Variants in SYT1 observed in about 807,000 individuals in gnomAD.
SYT1 encodes the protein synaptotagmin-1.
Under a neutral mutation model 44.8 loss-of-function variants are expected in SYT1, and 8 were observed. The ratio of observed to expected loss-of-function variants is 0.18; its 90% CI spans 0.10 to 0.32. The LOEUF (loss-of-function observed/expected upper bound fraction) is 0.32, where lower values mean the gene tolerates loss of function less well. Among genes scored for constraint, SYT1 ranks in the 10% least tolerant of loss-of-function variants. The pLI is 1.00. For synonymous variants in SYT1, 154 were observed against 188.8 expected, an observed-to-expected ratio of 0.82 and a Z score of 1.51; for missense variants, 286 against 509.3, an observed-to-expected ratio of 0.56 and a Z score of 4.22.
intron 4 of SYT1, among the ~76,000 whole-genome samples, chr12:79,282,194 C>T (rs538643230): frequency 6.1e-4 from 93 of 152,256 alleles, no homozygotes; most frequent in South Asian, 1.9e-3. Context: ...CTTGCAAAGT[C>T]CCTCTTACCA....
At chr12:78,918,815 A>G (rs750405668) in intron 1 of SYT1, among the ~76,000 whole-genome samples, 3 of 152,130 alleles carry the variant, frequency 2.0e-5, no homozygotes, top group Non-Finnish European at 2.9e-5. Flanking sequence ...AAGAAATATC[A>G]TGCATTTATG....
rs765898075 is a variant in SYT1 at position 79,006,780 on chromosome 12, C to T, written c.-84+28849C>T. 2.6e-5 allele frequency among the ~76,000 whole-genome samples: 4 copies of T among 152,112 alleles called. No homozygotes were observed. In the South Asian group the frequency reaches 8.3e-4, roughly 31 times the overall value. On this transcript the variant is annotated intron_variant, in intron 2 of 10. Transcript: ENST00000261205. ...AGGGGAGGATCCTGCAACACAGTTCCTGCTTTCTCCACTATCAGCCATGCT... is the reference window on the plus strand; with the variant it reads ...AGGGGAGGATCCTGCAACACAGTTCTTGCTTTCTCCACTATCAGCCATGCT...
intron 1 of SYT1, among the ~76,000 whole-genome samples, chr12:78,929,407 CCCAAAAAAAAAAAA>C (rs1257714246): frequency 0.019 from 274 of 14,676 alleles, 22 homozygotes; most frequent in East Asian, 0.16. Flanking sequence ...GAGACTCCGT[CCCAAAAAAAAAAAA>C]AAAAAAAAAA....
At chr12:79,007,328 T>A (rs1383934681) in intron 2 of SYT1, among the ~76,000 whole-genome samples, 3 of 152,146 alleles carry the variant, frequency 2.0e-5, no homozygotes, top group Non-Finnish European at 4.4e-5. Context: ...TGGCTCTTAG[T>A]TTATTCGGGT....
At chr12:79,288,270 A>G (rs1431410920) in intron 5 of SYT1, among the ~76,000 whole-genome samples, 1 of 152,122 alleles carries the variant, frequency 6.6e-6, no homozygotes, top group Non-Finnish European at 1.5e-5. Context: ...ATGAATACAA[A>G]TTAAAATTAT....
At chr12:79,038,510 T>C (rs73351479) in intron 2 of SYT1, among the ~76,000 whole-genome samples, 5,157 of 151,944 alleles carry the variant, frequency 0.034, 216 homozygotes, top group Admixed American at 0.084. Flanking sequence ...CCCTGCTTAC[T>C]GACTGCTGTT....
intron 4 of SYT1, among the ~76,000 whole-genome samples, chr12:79,279,564 A>G (rs1477482721): frequency 6.6e-6 from 1 of 152,100 alleles, no homozygotes; most frequent in Non-Finnish European, 1.5e-5. Context: ...ATGAGGGCAA[A>G]GTAGAATGTG....
chr12:79,025,415 T>C (rs960351486), intron 2 of SYT1, among the ~76,000 whole-genome samples: 5 of 151,698 alleles, frequency 3.3e-5, no homozygotes, highest in Admixed American at 1.3e-4. Context: ...TTAAATTATA[T>C]TGAACCTTGT....
chr12:79,040,526 C>T (rs1353279657), intron 2 of SYT1, among the ~76,000 whole-genome samples: 1 of 152,098 alleles, frequency 6.6e-6, no homozygotes, highest in Non-Finnish European at 1.5e-5. Context: ...GATATTAGCC[C>T]TTTGACAGAT....
intron 3 of SYT1, among the ~76,000 whole-genome samples, chr12:79,180,990 C>G (rs1305097485): frequency 6.6e-6 from 1 of 152,014 alleles, no homozygotes. Flanking sequence ...AGGTGATTTT[C>G]CCCTCTTCAC....
chr12:78,959,408 T>C (rs920429744), intron 1 of SYT1, among the ~76,000 whole-genome samples: 2 of 152,154 alleles, frequency 1.3e-5, no homozygotes, highest in African/African-American at 4.8e-5. Flanking sequence ...GAGATAATCT[T>C]ATTTTAAAAT....
chr12:79,302,185 C>A (rs961047600), intron 8 of SYT1, among the ~76,000 whole-genome samples: 2 of 152,150 alleles, frequency 1.3e-5, no homozygotes, highest in Admixed American at 6.5e-5. Context: ...GTTTTGCTTT[C>A]ATCTAGCAGT....
At chr12:79,390,049 C>A (rs1442352261) in intron 9 of SYT1, among the ~76,000 whole-genome samples, 1 of 151,990 alleles carries the variant, frequency 6.6e-6, no homozygotes, top group Non-Finnish European at 1.5e-5. Context: ...TCTCCTGCCT[C>A]AGCCTCCTGA....
rs118157333 is a variant in SYT1, at chr12:78,888,871, G to C, written c.-217+23762G>C. The stretch of plus-strand genomic sequence containing the variant: ...TCTTTAAGGCGTCTGGTATTCTGAG[G>C]CTTCCTGCATTTACAGATTTACTAC... On this transcript the variant is annotated intron_variant, in intron 1 of 10. Coordinates refer to ENST00000261205, the MANE Select transcript of SYT1 (RefSeq NM_005639.3). 6.7e-3 allele frequency among the ~76,000 whole-genome samples: 1,021 copies of C among 151,920 alleles called. 8 individuals are homozygous for C. The highest frequency in any genetic ancestry group is 8.9e-3 in the Non-Finnish European group (602 of 67,892).
At chr12:79,180,166 A>G (rs929317072) in intron 3 of SYT1, among the ~76,000 whole-genome samples, 3 of 151,752 alleles carry the variant, frequency 2.0e-5, no homozygotes, top group African/African-American at 4.8e-5. Flanking sequence ...ACCATTTTGC[A>G]TTTCCACCAT....
At chr12:78,971,973 A>G (rs1868413455) in intron 1 of SYT1, among the ~76,000 whole-genome samples, 1 of 152,182 alleles carries the variant, frequency 6.6e-6, no homozygotes. Context: ...AGGTTTGCAG[A>G]CTTCTAGGAA....
intron 1 of SYT1, among the ~76,000 whole-genome samples, chr12:78,921,648 G>C (rs754476964): frequency 1.3e-5 from 2 of 151,906 alleles, no homozygotes; most frequent in Admixed American, 1.3e-4. Flanking sequence ...GCCCCACCAG[G>C]CTTCTTCCCA....
chr12:78,982,610 C>G (rs958807370), intron 2 of SYT1, among the ~76,000 whole-genome samples: 2 of 152,092 alleles, frequency 1.3e-5, no homozygotes, highest in Admixed American at 6.6e-5. Flanking sequence ...CTCTATTTGG[C>G]AGCTTCTGAA....
chr12:78,948,406 C>A (rs1235741881), intron 1 of SYT1, among the ~76,000 whole-genome samples: 1 of 151,862 alleles, frequency 6.6e-6, no homozygotes, highest in African/African-American at 2.4e-5. Flanking sequence ...TAATGATGCT[C>A]ACACTATTTA....
Sources: gnomAD v4.1 joint callset for allele counts (sites outside exome capture counted in the v4.1 genomes callset) on GRCh38, gnomAD v4.1.1 for gene constraint, MANE v1.5 for transcripts, NCBI Gene and HGNC (gene_info 2026-07-23, HGNC 2026-07-21) for gene names.